The following NIN variants were observed in gnomAD, a reference collection of about 807,000 sequenced individuals.
NIN encodes the protein ninein, also known as glycogen synthase kinase 3 beta-interacting protein.
In NIN, 137 loss-of-function variants were observed where a neutral mutation model predicts 257.6. The ratio of observed to expected loss-of-function variants is 0.53; its 90% CI spans 0.46 to 0.61. The LOEUF (loss-of-function observed/expected upper bound fraction) is 0.61, where lower values mean the gene tolerates loss of function less well. Ranked by LOEUF, NIN falls within the 20% of genes least tolerant of loss-of-function variation. The probability of loss-of-function intolerance (pLI) is 0.00; values close to 1 mark genes in which losing one functional copy is unlikely to be tolerated. For synonymous variants in NIN, 918 were observed against 919.8 expected (o/e 1.00, Z 0.04); for missense variants, 2,439 against 2,501.2 (o/e 0.98, Z 0.53).
Position 50,792,886 on chromosome 14 carries a change from G to A in NIN, c.266-5C>T. The A allele has an allele frequency of 3.1e-6, 5 of 1,614,108 alleles. No homozygotes were observed. The highest frequency in any genetic ancestry group is 4.2e-6 in the Non-Finnish European group (5 of 1,179,962). On this transcript the variant is annotated splice_polypyrimidine_tract_variant and splice_region_variant and intron_variant, in intron 4 of 30. Coordinates refer to ENST00000530997, the MANE Select transcript of NIN (RefSeq NM_020921.4). Reference sequence around the variant, plus strand: ...GCTGAGCTTCTAGTGAGCAGTCTGAGAGAGGAGACAAGAGTTGAGGCCACA... The same window carrying A: ...GCTGAGCTTCTAGTGAGCAGTCTGAAAGAGGAGACAAGAGTTGAGGCCACA...
intron 5 of NIN, among the ~76,000 whole-genome samples, chr14:50,783,338 TA>T (rs1186889717): frequency 6.6e-6 from 1 of 152,028 alleles, no homozygotes; most frequent in Admixed American, 6.6e-5. Flanking sequence ...TTACAAGTGT[TA>T]GCCACTGCAC....
chr14:50,725,278 A>C (rs916640076), intron 30 of NIN, among the ~76,000 whole-genome samples: 1 of 152,216 alleles, frequency 6.6e-6, no homozygotes, highest in African/African-American at 2.4e-5. Context: ...CAGAGAGGCT[A>C]TAACACTCTC....
chr14:50,779,524 C>A (rs1307883033), intron 5 of NIN, among the ~76,000 whole-genome samples: 1 of 152,006 alleles, frequency 6.6e-6, no homozygotes. Flanking sequence ...TTTGGGAGGC[C>A]GAGGTGGGCG....
intron 28 of NIN, 65 bp from the exon 29 acceptor site, chr14:50,729,788 T>C: frequency 8.0e-7 from 1 of 1,245,504 alleles, no homozygotes; most frequent in Non-Finnish European, 1.1e-6. Flanking sequence ...CCCTTTATGG[T>C]GTCAGGCAGT....
Position 50,748,230 on chromosome 14 carries a change from A to AT in NIN, c.4951-126dup, listed in dbSNP as rs373038623. 241 of 589,628 alleles carry AT rather than the reference A, an allele frequency of 4.1e-4. 2 individuals are homozygous for AT. Among genetic ancestry groups the AT allele is most frequent in the African/African-American group, 4.1e-3 (219 of 53,970 alleles). 36.5% of individuals were successfully genotyped at this position (589,628 alleles called of 1,614,324 possible). On this transcript the variant is annotated intron_variant, in intron 21 of 30. Transcript: ENST00000530997. ...AACTCAATGACACTGTTTTATGACC[A>AT]TTTTTTATCGTAAAAGACTTTCCAC...
chr14:50,723,925 A>G (rs2040322318), intron 30 of NIN: 1 of 405,872 alleles, frequency 2.5e-6, no homozygotes, highest in South Asian at 3.7e-5. Flanking sequence ...TTGATATTAG[A>G]TGGCACCAAA....
Position 50,792,816 on chromosome 14 carries a change from G to A in NIN, c.331C>T (p.Pro111Ser). Reference sequence around the variant, plus strand: ...TCCTCCACGGACTCTTGGAACTCGGGCAAGGACCTTCGTCCGTAACGCTTC... The same window carrying A: ...TCCTCCACGGACTCTTGGAACTCGGACAAGGACCTTCGTCCGTAACGCTTC... ...GGKRYGRRSL[P>S]EFQESVEEFP... The change falls in exon 5 of 31, where the codon CCC becomes TCC. Residue 111 changes from proline (P) to serine (S), a missense_variant. Physicochemically the swap from Pro to Ser is moderately conservative, Grantham distance 74. Coordinates refer to ENST00000530997, the MANE Select transcript of NIN (RefSeq NM_020921.4). 1 of 1,614,194 alleles carries A rather than the reference G, an allele frequency of 6.2e-7. No individual in the cohort carries two copies. Among genetic ancestry groups the A allele is most frequent in the Non-Finnish European group, 8.5e-7 (1 of 1,180,024 alleles).
chr14:50,765,486 A>G (rs2042443831), intron 14 of NIN, among the ~76,000 whole-genome samples: 1 of 152,214 alleles, frequency 6.6e-6, no homozygotes, highest in Admixed American at 6.5e-5. Context: ...CTGCACAATT[A>G]AACTTTTTAT....
chr14:50,772,259 C>T lies in NIN; in HGVS notation c.981+42G>A, dbSNP rs534971391. ...AAAAATAAAATTGAAAATTTTCAAC[C>T]CTTCTCCAGTTTGTCATTTTTCTCA... On this transcript the variant is annotated intron_variant, in intron 9 of 30. Transcript: ENST00000530997. The T allele has an allele frequency of 5.9e-6, 9 of 1,525,756 alleles. No homozygotes were observed. The East Asian group carries it at 1.8e-4, about 31-fold the overall frequency. 94.5% of individuals were successfully genotyped at this position (1,525,756 alleles called of 1,614,324 possible). A position where few individuals can be genotyped will look rare whatever the true frequency, so the allele number is the denominator to read the frequency against.
chr14:50,771,522 T>C (rs1271082888), intron 9 of NIN, 54 bp from the exon 10 acceptor site: 5 of 1,593,348 alleles, frequency 3.1e-6, no homozygotes, highest in Middle Eastern at 1.7e-4. Context: ...TTCCATCCTC[T>C]GAAAGCAGAA....
At chr14:50,726,781 A>G (rs752651336) in intron 29 of NIN, among the ~76,000 whole-genome samples, 3 of 152,258 alleles carry the variant, frequency 2.0e-5, no homozygotes, top group Non-Finnish European at 2.9e-5. Context: ...TTGACTTATT[A>G]GAATGCAACC....
At chr14:50,775,031 G>C (rs916110082) in intron 7 of NIN, among the ~76,000 whole-genome samples, 1 of 152,188 alleles carries the variant, frequency 6.6e-6, no homozygotes, top group Non-Finnish European at 1.5e-5. Flanking sequence ...AACACTCAAA[G>C]AGGCCCGGAA....
In NIN at chr14:50,770,554, T is replaced by A. The variant is rs2042688492; in HGVS notation, c.1268A>T (p.Asp423Val). The change falls in exon 12 of 31, where the codon GAT becomes GTT. Residue 423 changes from aspartate (D) to valine (V), a missense_variant. Physicochemically the swap from Asp to Val is radical, Grantham distance 152. Coordinates refer to ENST00000530997, the MANE Select transcript of NIN (RefSeq NM_020921.4). Reference sequence around the variant, plus strand: ...TGCTATTCGCTCCTTGTACTCTTCATCCAGTTTCCTGTAACGAAGAAAAAT... The same window carrying A: ...TGCTATTCGCTCCTTGTACTCTTCAACCAGTTTCCTGTAACGAAGAAAAAT... ...RRNEYNLRKL[D>V]EEYKERIAAL... 2 of 1,613,192 alleles carry A rather than the reference T, an allele frequency of 1.2e-6. No homozygotes were observed. Among genetic ancestry groups the A allele is most frequent in the Middle Eastern group, 1.6e-4 (1 of 6,078 alleles).
intron 3 of NIN, among the ~76,000 whole-genome samples, chr14:50,811,755 G>A (rs1047893731): frequency 1.3e-5 from 2 of 151,832 alleles, no homozygotes; most frequent in African/African-American, 4.8e-5. Flanking sequence ...TTTACTCTGG[G>A]AGGCTGAGGT....
intron 28 of NIN, among the ~76,000 whole-genome samples, chr14:50,734,166 T>G (rs2040860852): frequency 6.6e-6 from 1 of 151,754 alleles, no homozygotes; most frequent in Non-Finnish European, 1.5e-5. Flanking sequence ...CTCGGCTCAC[T>G]GCAACCTCCG....
intron 2 of NIN, among the ~76,000 whole-genome samples, chr14:50,824,330 A>G (rs2045365818): frequency 6.6e-6 from 1 of 152,184 alleles, no homozygotes; most frequent in African/African-American, 2.4e-5. Flanking sequence ...TTGGATTTTC[A>G]CTAAATCAAA....
chr14:50,731,332 C>A (rs941779011), intron 28 of NIN, among the ~76,000 whole-genome samples: 3 of 151,796 alleles, frequency 2.0e-5, no homozygotes, highest in Non-Finnish European at 2.9e-5. Context: ...GAGTTCAAGA[C>A]CAGCCTGTCC....
chr14:50,741,486 G>T, intron 25 of NIN, 96 bp downstream of exon 25: 3 of 936,520 alleles, frequency 3.2e-6, no homozygotes, highest in Non-Finnish European at 3.2e-6. Flanking sequence ...ATATTTATAT[G>T]TACATACATA....
At chr14:50,796,284 G>A (rs1198023647) in intron 4 of NIN, among the ~76,000 whole-genome samples, 1 of 152,160 alleles carries the variant, frequency 6.6e-6, no homozygotes, top group Admixed American at 6.5e-5. Flanking sequence ...TGGCTTTGAG[G>A]CAGTCCAACC....
Sources: allele counts gnomAD v4.1 joint callset (sites outside exome capture counted in the v4.1 genomes callset), GRCh38; gene constraint gnomAD v4.1.1; transcripts MANE v1.5; gene names NCBI Gene and HGNC (gene_info 2026-07-23, HGNC 2026-07-21).